Variants in TICRR observed in about 807,000 individuals in gnomAD.
The protein encoded by TICRR is TOPBP1 interacting checkpoint and replication regulator.
TICRR carries 132 observed loss-of-function variants against 178.1 expected under a neutral mutation model. The ratio of observed to expected loss-of-function variants is 0.74; its 90% CI spans 0.64 to 0.86. The LOEUF (loss-of-function observed/expected upper bound fraction) is 0.86. Among genes scored for constraint, TICRR ranks in the 40% least tolerant of loss-of-function variants. The pLI is 0.00. For missense variants in TICRR, 2,587 were observed against 2,334.3 expected (o/e 1.11, Z -2.23); for synonymous variants, 991 against 900.7 (o/e 1.10, Z -1.79).
chr15:89,610,042 T>C (rs1963234435), intron 15 of TICRR, among the ~76,000 whole-genome samples: 1 of 152,230 alleles, frequency 6.6e-6, no homozygotes, highest in African/African-American at 2.4e-5. Flanking sequence ...TATATGTATT[T>C]CCTAAATTCT....
chr15:89,608,796 C>T lies in TICRR; in HGVS notation c.2723-7C>T, dbSNP rs1039152302. Reference sequence around the variant, plus strand: ...TTTCTTTTTCTTTTAATTTTTGATGCTTTCAGAAGTGACCAAAGTTCGAAG... The same window carrying T: ...TTTCTTTTTCTTTTAATTTTTGATGTTTTCAGAAGTGACCAAAGTTCGAAG... On this transcript the variant is annotated splice_polypyrimidine_tract_variant and splice_region_variant and intron_variant, in intron 14 of 21. Transcript: ENST00000268138. 7 of 1,560,662 alleles carry T rather than the reference C, an allele frequency of 4.5e-6. No homozygotes were observed. Among genetic ancestry groups the T allele is most frequent in the Non-Finnish European group, 5.2e-6 (6 of 1,158,966 alleles).
intron 1 of TICRR, among the ~76,000 whole-genome samples, chr15:89,579,245 C>G (rs1184045287): frequency 6.6e-6 from 1 of 152,132 alleles, no homozygotes; most frequent in African/African-American, 2.4e-5. Flanking sequence ...ATTTACAGAT[C>G]CCCAAATTTG....
chr15:89,593,905 AG>A (rs1215642236), intron 5 of TICRR, among the ~76,000 whole-genome samples: 8 of 152,218 alleles, frequency 5.3e-5, no homozygotes, highest in Non-Finnish European at 1.2e-4. Flanking sequence ...CCTTAATGAC[AG>A]ATATTTAGCT....
chr15:89,609,100 CTTTTTTTTTT>C lies in TICRR; in HGVS notation c.2869+170_2869+179del, dbSNP rs59398617. The stretch of plus-strand genomic sequence containing the variant: ...CTAAAGGTTTGTCAATTTTGTTAAT[CTTTTTTTTTT>C]TTTTTTTTTTTTTTTTTTGAGACAG... On this transcript the variant is annotated intron_variant, in intron 15 of 21. Coordinates refer to ENST00000268138, the MANE Select transcript of TICRR (RefSeq NM_152259.4). 6.1e-3 allele frequency: 514 copies of C among 84,872 alleles called. 7 individuals are homozygous for C. The highest frequency in any genetic ancestry group is 0.051 in the Middle Eastern group (8 of 156). The allele number at this position is 84,872 out of a possible 1,614,324, so 5.3% of individuals were successfully genotyped here.
rs762965722 is a variant in TICRR at position 89,606,831 on chromosome 15, C to G, written c.2722+6C>G. 5.0e-6 allele frequency: 8 copies of G among 1,612,404 alleles called. No individual in the cohort carries two copies. In the East Asian group the frequency reaches 1.6e-4, roughly 31 times the overall value. ...AGTGAAAGATACAGTGCAAGGTATA[C>G]TGTTTTCTCAGTGTATGTATTTATT... On this transcript the variant is annotated splice_donor_region_variant and intron_variant, in intron 14 of 21. Transcript: ENST00000268138.
Position 89,605,547 on chromosome 15 carries a change from G to A in TICRR, c.2665-1221G>A, listed in dbSNP as rs1011508482. Among the ~76,000 whole-genome samples, 3 of 152,204 alleles carry A rather than the reference G, an allele frequency of 2.0e-5. No individual in the cohort carries two copies. In the South Asian group the frequency reaches 6.2e-4, roughly 32 times the overall value. ...GCTACTTTTTGTATTTTTTAGTAAA[G>A]ATGGAGTTTCACCATGTTAGCCAGG... On this transcript the variant is annotated intron_variant, in intron 13 of 21. Transcript: ENST00000268138.
At chr15:89,579,931 T>C (rs1962694300) in intron 1 of TICRR, 1 of 152,232 alleles carries the variant, frequency 6.6e-6, no homozygotes, top group Non-Finnish European at 1.5e-5. Flanking sequence ...GCTATTCTGT[T>C]GTAAGCAACA....
In TICRR at chr15:89,621,447, T is replaced by A. The variant is rs772229279; in HGVS notation, c.3209T>A (p.Phe1070Tyr). The stretch of plus-strand genomic sequence containing the variant: ...ATTCGGTCTCCCAAGAGTCTTCTTT[T>A]TGGGGCAATGTCTGAGATGATCAGC... ...QSIRSPKSLL[F>Y]GAMSEMISPS... The change falls in exon 19 of 22, where the codon TTT becomes TAT. Residue 1070 changes from phenylalanine (F) to tyrosine (Y), a missense_variant. Phe to Tyr is a conservative substitution (Grantham distance 22). Transcript: ENST00000268138. The A allele has an allele frequency of 6.2e-7, 1 of 1,614,090 alleles. No homozygotes were observed. The highest frequency in any genetic ancestry group is 1.7e-5 in the Admixed American group (1 of 59,992).
chr15:89,584,434 C>T lies in TICRR; in HGVS notation c.1083C>T (p.Ser361=). The T allele has an allele frequency of 6.2e-7, 1 of 1,613,964 alleles. No individual in the cohort carries two copies. Among genetic ancestry groups the T allele is most frequent in the Non-Finnish European group, 8.5e-7 (1 of 1,179,924 alleles). Reference sequence around the variant, plus strand: ...CGAGCAGCACTTTGGGCACTGACAGCTGGATGCTAGGAAGTCCAGAGGAGA... The same window carrying T: ...CGAGCAGCACTTTGGGCACTGACAGTTGGATGCTAGGAAGTCCAGAGGAGA... The part of the protein sequence containing the change: ...LPTSSTLGTD[S]WMLGSPEEST... The change falls in exon 3 of 22, where the codon AGC becomes AGT. Residue 361 remains serine (S), a synonymous_variant. Transcript: ENST00000268138.
rs368030032 is a variant in TICRR at position 89,624,646 on chromosome 15, A to C, written c.4336A>C (p.Arg1446=). 6.1e-5 allele frequency: 98 copies of C among 1,614,098 alleles called. No homozygotes were observed. The highest frequency in any genetic ancestry group is 5.8e-4 in the East Asian group (26 of 44,884). Residue 1446 remains arginine (R), a synonymous_variant, in exon 20 of 22, where the codon AGG becomes CGG. Transcript: ENST00000268138. ...ERRGYPGPGL[R]SDWHASSPLL... is the part of the protein sequence containing the mutation. ...ACGGGGCTACCCAGGCCCTGGTCTCAGGAGTGATTGGCATGCATCCTCTCC... is the reference window on the plus strand; with the variant it reads ...ACGGGGCTACCCAGGCCCTGGTCTCCGGAGTGATTGGCATGCATCCTCTCC...
chr15:89,617,715 CAG>C (rs1963358050), intron 16 of TICRR, among the ~76,000 whole-genome samples: 3 of 126,864 alleles, frequency 2.4e-5, no homozygotes, highest in Non-Finnish European at 4.8e-5. Context: ...TTTTTTGAGA[CAG>C]AGTCTAGCTC....
chr15:89,598,372 T>TTTG (rs1321522697), intron 7 of TICRR, among the ~76,000 whole-genome samples: 1 of 152,002 alleles, frequency 6.6e-6, no homozygotes, highest in African/African-American at 2.4e-5. Flanking sequence ...TGTTTGTTTG[T>TTTG]TTGTTTTGAG....
intron 19 of TICRR, among the ~76,000 whole-genome samples, chr15:89,623,123 TGAG>T (rs1477219165): frequency 6.6e-6 from 1 of 152,258 alleles, no homozygotes; most frequent in Non-Finnish European, 1.5e-5. Flanking sequence ...GTGTCTTTTC[TGAG>T]ACATTATCTT....
intron 1 of TICRR, among the ~76,000 whole-genome samples, chr15:89,580,514 G>A (rs541776524): frequency 6.6e-6 from 1 of 152,126 alleles, no homozygotes; most frequent in African/African-American, 2.4e-5. Context: ...TAGATACATG[G>A]GTGGTAACAT....
At chr15:89,613,637 CAATT>C (rs1963286603) in intron 15 of TICRR, among the ~76,000 whole-genome samples, 1 of 151,656 alleles carries the variant, frequency 6.6e-6, no homozygotes, top group African/African-American at 2.4e-5. Context: ...TGGATCATCT[CAATT>C]AACCTTGTCT....
intron 15 of TICRR, among the ~76,000 whole-genome samples, chr15:89,612,041 C>G (rs1373598997): frequency 1.3e-5 from 2 of 152,100 alleles, no homozygotes; most frequent in East Asian, 3.9e-4. Flanking sequence ...TCTTTGTATA[C>G]TTCGTAGTTT....
intron 13 of TICRR, 106 bp from the exon 14 acceptor site, chr15:89,606,662 C>G (rs926222598): frequency 1.2e-6 from 1 of 839,294 alleles, no homozygotes; most frequent in African/African-American, 1.7e-5. Context: ...TATTATGGAT[C>G]CCTATAAATG....
Position 89,625,618 on chromosome 15 carries a change from T to C in TICRR, c.5308T>C (p.Leu1770=), listed in dbSNP as rs1963507883. Residue 1770 remains leucine (L), a synonymous_variant, in exon 20 of 22, where the codon TTG becomes CTG. Transcript: ENST00000268138. ...AGCCTCTTCCTGGGGACAGTTTGGG[T>C]TGAGTTCCAGGAAGAGAGTCCTGTT... The part of the protein sequence containing the change: ...EEASSWGQFG[L]SSRKRVLLAK... 6.2e-7 allele frequency: 1 copy of C among 1,613,066 alleles called. No individual in the cohort carries two copies. Among genetic ancestry groups the C allele is most frequent in the Admixed American group, 1.7e-5 (1 of 60,000 alleles).
chr15:89,620,924 G>C (rs1055474926), intron 18 of TICRR, among the ~76,000 whole-genome samples: 2 of 150,592 alleles, frequency 1.3e-5, no homozygotes, highest in African/African-American at 4.9e-5. Flanking sequence ...AGGTTTCACT[G>C]TGTTAGCCAG....
Sources: allele counts gnomAD v4.1 joint callset (sites outside exome capture counted in the v4.1 genomes callset), GRCh38; gene constraint gnomAD v4.1.1; transcripts MANE v1.5; gene names NCBI Gene and HGNC (gene_info 2026-07-23, HGNC 2026-07-21).